The following VAV3 variants were observed in gnomAD, a reference collection of about 807,000 sequenced individuals.
The protein encoded by VAV3 is vav guanine nucleotide exchange factor 3.
Under a neutral mutation model 131.2 loss-of-function variants are expected in VAV3, and 94 were observed. That is an observed-to-expected ratio of 0.72 (90% CI 0.61 to 0.85). VAV3 has a LOEUF of 0.85. Ranked by LOEUF, VAV3 falls within the 40% of genes least tolerant of loss-of-function variation. The pLI is 0.00. For synonymous variants in VAV3, 349 were observed against 342.0 expected (o/e 1.02, Z -0.22); for missense variants, 939 against 1,002.7 (o/e 0.94, Z 0.86).
At chr1:107,938,934 GCTGTTCAAA>G (rs1036383802) in intron 1 of VAV3, among the ~76,000 whole-genome samples, 51 of 152,326 alleles carry the variant, frequency 3.3e-4, no homozygotes, top group African/African-American at 1.2e-3. Context: ...CAGGTGGCCA[GCTGTTCAAA>G]CTGTGTTCAA....
intron 20 of VAV3, among the ~76,000 whole-genome samples, chr1:107,623,139 T>C (rs2101284371): frequency 1.3e-5 from 2 of 152,262 alleles, no homozygotes; most frequent in African/African-American, 4.8e-5. Context: ...AAAGGCAGTA[T>C]CATAGGATGT....
Position 107,765,072 on chromosome 1 carries a change from G to T in VAV3, c.921+4C>A. 6.2e-7 allele frequency: 1 copy of T among 1,602,400 alleles called. No individual in the cohort carries two copies. Among genetic ancestry groups the T allele is most frequent in the Non-Finnish European group, 8.5e-7 (1 of 1,170,828 alleles). ...TATGTCATAAACTAAAAATAAATAG[G>T]CACCTCTAATTTCAGTTTGACATCT... On this transcript the variant is annotated splice_donor_region_variant and intron_variant, in intron 9 of 26. Transcript: ENST00000370056.
At chr1:107,823,170 G>C (rs1289648884) in intron 2 of VAV3, among the ~76,000 whole-genome samples, 1 of 152,184 alleles carries the variant, frequency 6.6e-6, no homozygotes, top group Non-Finnish European at 1.5e-5. Context: ...GACTCTTGAA[G>C]ACAGAATCAG....
chr1:107,942,306 C>G (rs9435454), intron 1 of VAV3, among the ~76,000 whole-genome samples: 3 of 152,000 alleles, frequency 2.0e-5, no homozygotes, highest in Non-Finnish European at 2.9e-5. Flanking sequence ...GATCCCACAG[C>G]GAGAAGACAG....
intron 19 of VAV3, among the ~76,000 whole-genome samples, chr1:107,644,370 T>C (rs956284444): frequency 6.6e-6 from 1 of 152,110 alleles, no homozygotes; most frequent in African/African-American, 2.4e-5. Context: ...AGGGAGAGAA[T>C]TGCAGTTCAC....
intron 26 of VAV3, among the ~76,000 whole-genome samples, 179 bp from the exon 27 acceptor site, chr1:107,573,551 T>C (rs185449641): frequency 3.3e-5 from 5 of 152,206 alleles, no homozygotes; most frequent in Admixed American, 3.3e-4. Flanking sequence ...ATGATCGAAA[T>C]GGAGGAATAA....
At chr1:107,646,342 T>G (rs1159228098) in intron 19 of VAV3, among the ~76,000 whole-genome samples, 1 of 152,152 alleles carries the variant, frequency 6.6e-6, no homozygotes, top group African/African-American at 2.4e-5. Context: ...TTAGTTTCTC[T>G]CCACTCCAGA....
At chr1:107,778,835 G>A (rs1303119814) in intron 3 of VAV3, among the ~76,000 whole-genome samples, 1 of 152,104 alleles carries the variant, frequency 6.6e-6, no homozygotes, top group African/African-American at 2.4e-5. Flanking sequence ...TCTAACTTAA[G>A]TATGTAGTAT....
intron 21 of VAV3, 24 bp downstream of exon 21, chr1:107,617,543 G>GA (rs746461369): frequency 6.3e-7 from 1 of 1,582,364 alleles, no homozygotes; most frequent in Non-Finnish European, 8.6e-7. Flanking sequence ...TGAAGCAAGA[G>GA]AAAATTAAGA....
At chr1:107,742,333 T>C (rs1203027932) in intron 15 of VAV3, among the ~76,000 whole-genome samples, 1 of 152,140 alleles carries the variant, frequency 6.6e-6, no homozygotes, top group Non-Finnish European at 1.5e-5. Flanking sequence ...AGATCACGCA[T>C]GTGAACAACA....
intron 17 of VAV3, among the ~76,000 whole-genome samples, chr1:107,697,131 G>A (rs967989278): frequency 6.6e-6 from 1 of 152,160 alleles, no homozygotes; most frequent in African/African-American, 2.4e-5. Context: ...GAAGGAATGA[G>A]GGTGAGGAGA....
chr1:107,939,873 A>C (rs1327352102), intron 1 of VAV3, among the ~76,000 whole-genome samples: 2 of 152,100 alleles, frequency 1.3e-5, no homozygotes, highest in African/African-American at 2.4e-5. Flanking sequence ...CACCAGAAAG[A>C]AGCCCAGAGG....
intron 20 of VAV3, among the ~76,000 whole-genome samples, chr1:107,639,074 G>A (rs1266364787): frequency 1.3e-5 from 2 of 151,350 alleles, no homozygotes; most frequent in Non-Finnish European, 2.9e-5. Context: ...ACTTACAAAG[G>A]CAATCCAGTG....
At chr1:107,713,726 A>G (rs1660925084) in intron 15 of VAV3, among the ~76,000 whole-genome samples, 1 of 152,158 alleles carries the variant, frequency 6.6e-6, no homozygotes, top group African/African-American at 2.4e-5. Flanking sequence ...ACATCCTTAT[A>G]AATACAACTG....
intron 15 of VAV3, among the ~76,000 whole-genome samples, chr1:107,745,950 A>G (rs1353626735): frequency 6.6e-6 from 1 of 152,230 alleles, no homozygotes; most frequent in African/African-American, 2.4e-5. Context: ...ACTGGGAAGA[A>G]GCCATCCTGT....
At chr1:107,879,647 G>A (rs979413719) in intron 1 of VAV3, among the ~76,000 whole-genome samples, 8 of 151,842 alleles carry the variant, frequency 5.3e-5, no homozygotes, top group African/African-American at 1.9e-4. Flanking sequence ...ACTGCCTTCA[G>A]AGATATTTTA....
intron 1 of VAV3, among the ~76,000 whole-genome samples, chr1:107,933,074 A>G (rs938769223): frequency 6.6e-6 from 1 of 152,244 alleles, no homozygotes; most frequent in African/African-American, 2.4e-5. Flanking sequence ...ATGCCTATGT[A>G]TAAGAAATTT....
At chr1:107,687,054 T>C (rs1659080071) in intron 18 of VAV3, among the ~76,000 whole-genome samples, 3 of 152,200 alleles carry the variant, frequency 2.0e-5, no homozygotes, top group Admixed American at 1.3e-4. Context: ...GCAAGATCCT[T>C]GGCACTGCTG....
At chr1:107,603,258 G>T (rs936531369) in intron 22 of VAV3, 95 bp from the exon 23 acceptor site, 9 of 878,746 alleles carry the variant, frequency 1.0e-5, no homozygotes, top group African/African-American at 1.7e-5. Context: ...TTTAGTGGCA[G>T]ATCTGAGCTG....
Sources: allele counts gnomAD v4.1 joint callset (sites outside exome capture counted in the v4.1 genomes callset), GRCh38; gene constraint gnomAD v4.1.1; transcripts MANE v1.5; gene names NCBI Gene and HGNC (gene_info 2026-07-23, HGNC 2026-07-21).